ABCC8: variants seen among roughly 807,000 people sequenced by gnomAD.
The protein encoded by ABCC8 is ATP-binding cassette sub-family C member 8.
In ABCC8, 137 loss-of-function variants were observed where a neutral mutation model predicts 188.0. The observed-to-expected ratio is 0.73, with a 90% CI of 0.63 to 0.84. The LOEUF is 0.84. ABCC8 is among the 40% of genes least tolerant of loss of function. ABCC8 has a pLI of 0.00. For synonymous variants in ABCC8, 797 were observed against 846.5 expected (o/e 0.94, Z 1.01); for missense variants, 1,750 against 2,072.7 (o/e 0.84, Z 3.02).
chr11:17,406,381 G>T, intron 26 of ABCC8: 1 of 576,314 alleles, frequency 1.7e-6, no homozygotes, highest in Non-Finnish European at 3.1e-6. Context: ...TCACTTTAAA[G>T]GGCCATGGTA....
intron 30 of ABCC8, 47 bp from the exon 31 acceptor site, chr11:17,397,844 C>T (rs1182346439): frequency 1.2e-6 from 2 of 1,607,288 alleles, no homozygotes; most frequent in Non-Finnish European, 1.7e-6. Flanking sequence ...GTTAGAGCCA[C>T]AGGCCCCTGT....
Position 17,410,638 on chromosome 11 carries a change from C to A in ABCC8, c.2572G>T (p.Ala858Ser). ...TGGTCACTCAGATGGATATCCAGAG[C>A]TGAGAAGGGGTCATCCTGGGCAGAA... Reference protein sequence around the residue: ...NVVFLDDPFSALDIHLSDHLM... With the variant: ...NVVFLDDPFSSLDIHLSDHLM... Residue 858 changes from alanine to serine, a missense_variant, in exon 22 of 39, where the codon GCT becomes TCT. Coordinates refer to ENST00000389817, the MANE Select transcript of ABCC8 (RefSeq NM_000352.6). The A allele has an allele frequency of 6.2e-7, 1 of 1,613,998 alleles. No homozygotes were observed. Among genetic ancestry groups the A allele is most frequent in the Non-Finnish European group, 8.5e-7 (1 of 1,179,960 alleles).
chr11:17,451,704 T>C (rs770243330), intron 7 of ABCC8, among the ~76,000 whole-genome samples: 11 of 152,236 alleles, frequency 7.2e-5, no homozygotes, highest in Non-Finnish European at 1.2e-4. Flanking sequence ...CATAGCTGCA[T>C]CTAGTTATTC....
intron 7 of ABCC8, among the ~76,000 whole-genome samples, chr11:17,452,090 A>G (rs1401531447): frequency 6.6e-6 from 1 of 152,202 alleles, no homozygotes. Context: ...CTTCTATCCC[A>G]TTTAAACTAC....
chr11:17,407,316 T>G, intron 24 of ABCC8, 38 bp downstream of exon 24: 1 of 1,614,058 alleles, frequency 6.2e-7, no homozygotes, highest in South Asian at 1.1e-5. Flanking sequence ...TGATCAGACC[T>G]CAGGCCATAA....
At chr11:17,452,388 G>T (rs1956847845) in intron 7 of ABCC8, among the ~76,000 whole-genome samples, 1 of 152,234 alleles carries the variant, frequency 6.6e-6, no homozygotes, top group Admixed American at 6.5e-5. Flanking sequence ...CCAGGGACTG[G>T]TTTCGTGGAA....
At chr11:17,464,118 C>G (rs1374205836) in intron 3 of ABCC8, among the ~76,000 whole-genome samples, 1 of 152,240 alleles carries the variant, frequency 6.6e-6, no homozygotes, top group African/African-American at 2.4e-5. Flanking sequence ...ATGCAAGCTC[C>G]ATGCTATAAT....
chr11:17,415,111 AG>A (rs1338830264), intron 18 of ABCC8, among the ~76,000 whole-genome samples, 192 bp downstream of exon 18: 2 of 151,344 alleles, frequency 1.3e-5, no homozygotes, highest in Non-Finnish European at 2.9e-5. Flanking sequence ...TCTTATGTGA[AG>A]GGAGTAAATG....
chr11:17,419,799 C>T (rs974981574), intron 16 of ABCC8, among the ~76,000 whole-genome samples: 20 of 152,058 alleles, frequency 1.3e-4, no homozygotes, highest in African/African-American at 4.1e-4. Flanking sequence ...ATAACAGGTG[C>T]GAGAAGTAGG....
At chr11:17,403,180 C>T (rs1158953720) in intron 28 of ABCC8, among the ~76,000 whole-genome samples, 1 of 152,164 alleles carries the variant, frequency 6.6e-6, no homozygotes, top group Non-Finnish European at 1.5e-5. Context: ...CTTCCGCTTA[C>T]CCCATCAAGG....
At chr11:17,461,145 C>T (rs1564975927) in intron 5 of ABCC8, 1 of 333,994 alleles carries the variant, frequency 3.0e-6, no homozygotes, top group Non-Finnish European at 5.7e-6. Flanking sequence ...CAATTTGCTC[C>T]TCAGTGATAT....
At chr11:17,469,517 G>A (rs755170862) in intron 3 of ABCC8, among the ~76,000 whole-genome samples, 1 of 151,934 alleles carries the variant, frequency 6.6e-6, no homozygotes, top group Non-Finnish European at 1.5e-5. Flanking sequence ...TCTCAAACTC[G>A]ATATGCCCCC....
At chr11:17,395,508 C>T in intron 35 of ABCC8, 102 bp downstream of exon 35, 2 of 1,495,222 alleles carry the variant, frequency 1.3e-6, no homozygotes, top group Non-Finnish European at 1.8e-6. Flanking sequence ...GGAAACACCT[C>T]TGGGATCCTG....
At chr11:17,475,082 G>A (rs907306307) in intron 1 of ABCC8, 55 bp from the exon 2 acceptor site, 29 of 1,608,766 alleles carry the variant, frequency 1.8e-5, no homozygotes, top group African/African-American at 2.7e-5. Context: ...GGAGGAAGAG[G>A]GTGCATGAAC....
chr11:17,420,252 T>G (rs560458293), intron 16 of ABCC8, among the ~76,000 whole-genome samples: 1 of 152,316 alleles, frequency 6.6e-6, no homozygotes, highest in South Asian at 2.1e-4. Context: ...ATTGATGTCA[T>G]TGGGTCCCAT....
At chr11:17,453,659 A>G (rs1425469196) in intron 6 of ABCC8, among the ~76,000 whole-genome samples, 2 of 152,214 alleles carry the variant, frequency 1.3e-5, no homozygotes, top group African/African-American at 4.8e-5. Flanking sequence ...CTCACGGTGC[A>G]TGTTCTCTGC....
At chr11:17,400,029 A>G (rs1470506585) in intron 29 of ABCC8, among the ~76,000 whole-genome samples, 3 of 152,224 alleles carry the variant, frequency 2.0e-5, no homozygotes, top group Non-Finnish European at 4.4e-5. Context: ...GAACGAAAGA[A>G]AAGCTGCCTC....
chr11:17,396,080 G>C lies in ABCC8; in HGVS notation c.4120-150C>G, dbSNP rs998415291. On this transcript the variant is annotated intron_variant, in intron 33 of 38. Transcript: ENST00000389817. ...GACTAGTTTCTCTTTGGACACCACA[G>C]GTTTGGGCTTGTTTCCTGCAGTGGG... is the stretch of plus-strand genomic sequence containing the variant. 8.7e-6 allele frequency: 13 copies of C among 1,491,160 alleles called. No homozygotes were observed. In the African/African-American group the frequency reaches 1.7e-4, roughly 19 times the overall value. The allele number at this position is 1,491,160 out of a possible 1,614,324, so 92.4% of individuals were successfully genotyped here.
chr11:17,459,054 G>T (rs1177765218), intron 6 of ABCC8, among the ~76,000 whole-genome samples: 1 of 152,188 alleles, frequency 6.6e-6, no homozygotes, highest in Non-Finnish European at 1.5e-5. Flanking sequence ...AGTGAGTCTT[G>T]TGTTCAAATT....
Sources: allele counts gnomAD v4.1 joint callset (sites outside exome capture counted in the v4.1 genomes callset), GRCh38; gene constraint gnomAD v4.1.1; transcripts MANE v1.5; gene names NCBI Gene and HGNC (gene_info 2026-07-23, HGNC 2026-07-21).